FBXO4: variants seen among roughly 807,000 people sequenced by gnomAD.
FBXO4 encodes the protein F-box only protein 4.
A neutral mutation model predicts 43.7 loss-of-function variants in FBXO4; 36 were observed. That is an observed-to-expected ratio of 0.82 (90% CI 0.63 to 1.09). The LOEUF (loss-of-function observed/expected upper bound fraction) is 1.09. Ranked by LOEUF, FBXO4 falls within the 50% of genes least tolerant of loss-of-function variation. The pLI, the probability that FBXO4 is intolerant of heterozygous loss-of-function variation, is 0.00. For missense variants in FBXO4, 435 were observed against 474.1 expected, an observed-to-expected ratio of 0.92 and a Z score of 0.77; for synonymous variants, 180 against 165.6, an observed-to-expected ratio of 1.09 and a Z score of -0.67.
the FBXO4 span, among the ~76,000 whole-genome samples, chr5:41,974,041 G>A: frequency 6.6e-6 from 1 of 152,280 alleles, no homozygotes; most frequent in Admixed American, 6.5e-5. Context: ...GCACTGTAAA[G>A]CTAGACTAGT....
chr5:42,000,502 T>C, the FBXO4 span, among the ~76,000 whole-genome samples: 2 of 152,226 alleles, frequency 1.3e-5, no homozygotes, highest in East Asian at 1.9e-4. Flanking sequence ...GTTGAATATA[T>C]GGTTTGCAAA....
At chr5:41,972,226 C>G in the FBXO4 span, among the ~76,000 whole-genome samples, 1 of 152,058 alleles carries the variant, frequency 6.6e-6, no homozygotes, top group Non-Finnish European at 1.5e-5. Flanking sequence ...GCTCTTAGAA[C>G]TGACAAATAA....
chr5:41,952,031 C>A, the FBXO4 span: 1 of 263,182 alleles, frequency 3.8e-6, no homozygotes, highest in South Asian at 5.5e-5. Context: ...GCCTCTAGGT[C>A]CTCTTCAGAT....
the FBXO4 span, among the ~76,000 whole-genome samples, chr5:42,011,625 G>A: frequency 6.6e-6 from 1 of 152,094 alleles, no homozygotes; most frequent in South Asian, 2.1e-4. Context: ...CTCTAGCTGA[G>A]GCTCTATTGT....
chr5:42,008,572 G>T, the FBXO4 span, among the ~76,000 whole-genome samples: 3 of 152,126 alleles, frequency 2.0e-5, no homozygotes, highest in African/African-American at 7.2e-5. Context: ...GTCTAACTAA[G>T]TAAGAGTCAT....
At chr5:41,944,247 T>G (rs147439117), downstream of FBXO4, among the ~76,000 whole-genome samples, 35 of 152,374 alleles carry the variant, frequency 2.3e-4, no homozygotes, top group South Asian at 1.0e-3. Flanking sequence ...GTTCTACAAC[T>G]GCAATTAAAA....
chr5:41,946,211 G>A (rs1258161464), downstream of FBXO4, among the ~76,000 whole-genome samples: 3 of 152,140 alleles, frequency 2.0e-5, no homozygotes, highest in Admixed American at 2.0e-4. Context: ...CCGACCTGCC[G>A]ATCTGCCTGG....
At chr5:41,998,899 C>T in the FBXO4 span, among the ~76,000 whole-genome samples, 7 of 152,172 alleles carry the variant, frequency 4.6e-5, no homozygotes, top group Non-Finnish European at 7.4e-5. Flanking sequence ...ATTTGAGGCT[C>T]GGTATCTCCT....
chr5:42,015,463 C>T, the FBXO4 span, among the ~76,000 whole-genome samples: 1 of 152,162 alleles, frequency 6.6e-6, no homozygotes, highest in Non-Finnish European at 1.5e-5. Context: ...TTGTCTTCTT[C>T]CCCATCCTCA....
At chr5:41,946,882 T>A in the FBXO4 span, among the ~76,000 whole-genome samples, 1 of 152,232 alleles carries the variant, frequency 6.6e-6, no homozygotes, top group African/African-American at 2.4e-5. Context: ...CAAAAGCATA[T>A]GGCTTCTTCA....
the FBXO4 span, among the ~76,000 whole-genome samples, chr5:41,948,927 G>A: frequency 8.6e-5 from 13 of 151,054 alleles, no homozygotes; most frequent in Non-Finnish European, 1.5e-4. Context: ...ATCAATAAAC[G>A]TAATCCATCA....
downstream of FBXO4, among the ~76,000 whole-genome samples, chr5:41,946,611 A>T (rs1349223505): frequency 6.6e-6 from 1 of 152,220 alleles, no homozygotes; most frequent in Non-Finnish European, 1.5e-5. Flanking sequence ...ACAATTTTAC[A>T]TGCCAAGTGA....
intron 5 of FBXO4, among the ~76,000 whole-genome samples, chr5:41,938,944 C>G (rs1361910397): frequency 6.6e-6 from 1 of 151,762 alleles, no homozygotes; most frequent in African/African-American, 2.4e-5. Context: ...CCTGATTAGT[C>G]AGGCTCAATG....
At chr5:41,946,053 A>T (rs192694569), downstream of FBXO4, among the ~76,000 whole-genome samples, 22 of 152,144 alleles carry the variant, frequency 1.4e-4, 1 homozygote, top group Admixed American at 1.4e-3. Flanking sequence ...TAATCAAATG[A>T]CCTTAAATCC....
At chr5:42,021,847 G>A in the FBXO4 span, among the ~76,000 whole-genome samples, 2 of 152,028 alleles carry the variant, frequency 1.3e-5, no homozygotes. Context: ...CAGCAACAGA[G>A]AAAGAATAAA....
the FBXO4 span, among the ~76,000 whole-genome samples, chr5:41,965,199 T>C: frequency 6.6e-6 from 1 of 152,180 alleles, no homozygotes. Flanking sequence ...GTTGTAGACA[T>C]GCAGCATTAT....
chr5:41,982,439 A>G, the FBXO4 span, among the ~76,000 whole-genome samples: 2 of 152,184 alleles, frequency 1.3e-5, no homozygotes, highest in South Asian at 2.1e-4. Flanking sequence ...AATGATCGCC[A>G]TTCTAATTTC....
chr5:41,995,603 A>G, the FBXO4 span, among the ~76,000 whole-genome samples: 1 of 152,154 alleles, frequency 6.6e-6, no homozygotes, highest in East Asian at 1.9e-4. Flanking sequence ...AAAGAGGCTG[A>G]GTGGTGTCCA....
At chr5:41,935,547 T>G (rs1751828400) in intron 5 of FBXO4, among the ~76,000 whole-genome samples, 1 of 152,214 alleles carries the variant, frequency 6.6e-6, no homozygotes, top group Admixed American at 6.5e-5. Context: ...GATCTTGCAC[T>G]GATACAAATT....
Sources: gnomAD v4.1 joint callset for allele counts (sites outside exome capture counted in the v4.1 genomes callset) on GRCh38, gnomAD v4.1.1 for gene constraint, MANE v1.5 for transcripts, NCBI Gene and HGNC (gene_info 2026-07-23, HGNC 2026-07-21) for gene names.